Variants in SHANK2 observed in about 807,000 individuals in gnomAD.
The protein encoded by SHANK2 is SH3 and multiple ankyrin repeat domains protein 2.
A neutral mutation model predicts 133.7 loss-of-function variants in SHANK2; 43 were observed. The ratio of observed to expected loss-of-function variants is 0.32; its 90% CI spans 0.25 to 0.41. SHANK2 has a LOEUF of 0.41. Ranked by LOEUF, SHANK2 falls within the 10% of genes least tolerant of loss-of-function variation. SHANK2 has a pLI of 1.00. For synonymous variants in SHANK2, 1,017 were observed against 952.8 expected (o/e 1.07, Z -1.24); for missense variants, 1,994 against 2,235.8 (o/e 0.89, Z 2.18).
At chr11:70,822,464 A>C (rs1948543938) in intron 11 of SHANK2, among the ~76,000 whole-genome samples, 1 of 145,406 alleles carries the variant, frequency 6.9e-6, no homozygotes, top group African/African-American at 2.6e-5. Flanking sequence ...CAGAGGTCAC[A>C]GGGACAAAGA....
intron 17 of SHANK2, among the ~76,000 whole-genome samples, chr11:70,576,712 T>C (rs1237396178): frequency 2.6e-5 from 4 of 152,226 alleles, no homozygotes; most frequent in African/African-American, 9.6e-5. Flanking sequence ...AGAAGCTACC[T>C]GGCTCTCCCA....
intron 11 of SHANK2, among the ~76,000 whole-genome samples, chr11:70,860,311 T>C (rs1949238830): frequency 6.6e-6 from 1 of 152,220 alleles, no homozygotes; most frequent in Non-Finnish European, 1.5e-5. Flanking sequence ...CTCATCAGCC[T>C]GAATGTCCCC....
intron 14 of SHANK2, among the ~76,000 whole-genome samples, chr11:70,745,148 A>G (rs556203666): frequency 6.6e-6 from 1 of 152,338 alleles, no homozygotes; most frequent in East Asian, 1.9e-4. Flanking sequence ...TCAACCAGAG[A>G]AAGCCAAATC....
intron 8 of SHANK2, among the ~76,000 whole-genome samples, chr11:71,089,183 C>T (rs1049653187): frequency 3.3e-5 from 5 of 152,222 alleles, no homozygotes; most frequent in Admixed American, 2.6e-4. Flanking sequence ...GATTCTCCTT[C>T]GGGAGCTGCC....
intron 17 of SHANK2, among the ~76,000 whole-genome samples, chr11:70,526,929 G>A (rs927634939): frequency 6.7e-6 from 1 of 149,094 alleles, no homozygotes; most frequent in Non-Finnish European, 1.5e-5. Context: ...ACCACCCTGG[G>A]AGCATCCCTG....
At chr11:71,114,427 GC>G (rs1590926312) in intron 4 of SHANK2, among the ~76,000 whole-genome samples, 2 of 152,270 alleles carry the variant, frequency 1.3e-5, no homozygotes, top group East Asian at 3.9e-4. Context: ...TCACAGAAAA[GC>G]TTCCAAATAA....
At chr11:70,540,067 G>C (rs759276736) in intron 17 of SHANK2, among the ~76,000 whole-genome samples, 1 of 152,108 alleles carries the variant, frequency 6.6e-6, no homozygotes, top group African/African-American at 2.4e-5. Flanking sequence ...AGTAGATCAG[G>C]GGCTGCCCTA....
chr11:70,783,842 T>A (rs1555045786), intron 14 of SHANK2, among the ~76,000 whole-genome samples: 3 of 152,078 alleles, frequency 2.0e-5, no homozygotes, highest in African/African-American at 7.2e-5. Flanking sequence ...CCAAACAGGA[T>A]CCTCCCATCT....
chr11:70,712,155 T>A (rs1321025722), intron 14 of SHANK2, among the ~76,000 whole-genome samples: 1 of 152,206 alleles, frequency 6.6e-6, no homozygotes, highest in East Asian at 1.9e-4. Context: ...CCTCGGATCC[T>A]GGCCACTGCC....
intron 4 of SHANK2, among the ~76,000 whole-genome samples, chr11:71,118,429 A>C (rs545946518): frequency 7.2e-4 from 110 of 152,282 alleles, no homozygotes; most frequent in Non-Finnish European, 1.2e-3. Context: ...TGGAAGGCGA[A>C]GGGAAAGCAA....
intron 6 of SHANK2, among the ~76,000 whole-genome samples, chr11:71,097,997 C>A (rs528906643): frequency 5.5e-5 from 8 of 145,938 alleles, no homozygotes; most frequent in Non-Finnish European, 1.2e-4. Context: ...CATGTGCATG[C>A]CTGTGTGTGC....
chr11:70,936,624 C>T (rs1555083474), intron 10 of SHANK2, among the ~76,000 whole-genome samples: 1 of 152,230 alleles, frequency 6.6e-6, no homozygotes, highest in African/African-American at 2.4e-5. Flanking sequence ...ATTTCTCTAT[C>T]TTGTTGACAA....
At chr11:70,799,977 A>T (rs1948006835) in intron 13 of SHANK2, among the ~76,000 whole-genome samples, 2 of 152,098 alleles carry the variant, frequency 1.3e-5, no homozygotes, top group South Asian at 2.1e-4. Flanking sequence ...TTTCTGTCAT[A>T]AAGCTTGCAG....
At chr11:71,233,911 G>A (rs1430762720) in intron 1 of SHANK2, among the ~76,000 whole-genome samples, 1 of 151,952 alleles carries the variant, frequency 6.6e-6, no homozygotes, top group Non-Finnish European at 1.5e-5. Flanking sequence ...ACTGGGCGTG[G>A]TGGTGCACGT....
chr11:70,719,204 G>A (rs1009626833), intron 14 of SHANK2, among the ~76,000 whole-genome samples: 5 of 152,196 alleles, frequency 3.3e-5, no homozygotes, highest in South Asian at 2.1e-4. Flanking sequence ...GCCCACCCAC[G>A]TTGGAATAGA....
chr11:71,094,617 C>T lies in SHANK2; in HGVS notation c.664G>A (p.Ala222Thr), dbSNP rs1398169883. Reference protein sequence around the residue: ...EVIKALKNGGAHLDFRAKDGM... With the variant: ...EVIKALKNGGTHLDFRAKDGM... ...TCTTTGGCACGGAAGTCCAGGTGAG[C>T]TCCACCATTTTTGAGAGCTTTGATG... The change falls in exon 7 of 26, where the codon GCT becomes ACT. Residue 222 changes from alanine to threonine, a missense_variant. Coordinates refer to ENST00000601538, the MANE Select transcript of SHANK2 (RefSeq NM_012309.5). The T allele has an allele frequency of 1.3e-6, 2 of 1,551,750 alleles. No individual in the cohort carries two copies. Among genetic ancestry groups the T allele is most frequent in the Non-Finnish European group, 1.7e-6 (2 of 1,147,006 alleles).
At chr11:71,139,902 G>A (rs529433455) in intron 3 of SHANK2, among the ~76,000 whole-genome samples, 33 of 152,296 alleles carry the variant, frequency 2.2e-4, no homozygotes, top group Non-Finnish European at 2.8e-4. Flanking sequence ...GCACTCACTC[G>A]GCCAGCAGCA....
At chr11:70,623,886 T>C (rs1302758999) in intron 17 of SHANK2, among the ~76,000 whole-genome samples, 2 of 152,178 alleles carry the variant, frequency 1.3e-5, no homozygotes, top group Non-Finnish European at 2.9e-5. Flanking sequence ...CCAGGGCATC[T>C]CTTCCAGCCT....
At chr11:70,720,372 C>T (rs543031653) in intron 14 of SHANK2, among the ~76,000 whole-genome samples, 14 of 152,352 alleles carry the variant, frequency 9.2e-5, no homozygotes, top group East Asian at 1.9e-4. Context: ...CCACAGCCCC[C>T]GCCTGTCAAT....
Sources: gnomAD v4.1 joint callset for allele counts (sites outside exome capture counted in the v4.1 genomes callset) on GRCh38, gnomAD v4.1.1 for gene constraint, MANE v1.5 for transcripts, NCBI Gene and HGNC (gene_info 2026-07-23, HGNC 2026-07-21) for gene names.